The following EXOC6B variants were observed in gnomAD, a reference collection of about 807,000 sequenced individuals.
EXOC6B encodes the protein SEC15 homolog B.
EXOC6B carries 54 observed loss-of-function variants against 113.5 expected under a neutral mutation model. That is an observed-to-expected ratio of 0.48 (90% CI 0.38 to 0.60). The LOEUF is 0.60. EXOC6B is among the 20% of genes least tolerant of loss of function. The probability of loss-of-function intolerance (pLI) is 0.00; values close to 1 mark genes in which losing one functional copy is unlikely to be tolerated. For synonymous variants in EXOC6B, 357 were observed against 339.0 expected, an observed-to-expected ratio of 1.05 and a Z score of -0.58; for missense variants, 797 against 977.5, an observed-to-expected ratio of 0.82 and a Z score of 2.46.
intron 20 of EXOC6B, among the ~76,000 whole-genome samples, chr2:72,217,424 T>C (rs1452237970): frequency 6.6e-6 from 1 of 152,128 alleles, no homozygotes; most frequent in Non-Finnish European, 1.5e-5. Flanking sequence ...CTACCTCTGC[T>C]ACACAGAGTC....
intron 6 of EXOC6B, among the ~76,000 whole-genome samples, chr2:72,614,418 G>A (rs985031011): frequency 6.6e-6 from 1 of 151,468 alleles, no homozygotes; most frequent in African/African-American, 2.4e-5. Context: ...CCTGTATATG[G>A]ATCTGGAGCT....
chr2:72,477,873 A>AT (rs371504255), intron 17 of EXOC6B, among the ~76,000 whole-genome samples: 24 of 151,146 alleles, frequency 1.6e-4, no homozygotes, highest in South Asian at 1.3e-3. Flanking sequence ...TTGGTCATTT[A>AT]TTTTTTTTTC....
At chr2:72,217,644 A>T (rs1295996208) in intron 20 of EXOC6B, among the ~76,000 whole-genome samples, 1 of 152,170 alleles carries the variant, frequency 6.6e-6, no homozygotes, top group African/African-American at 2.4e-5. Flanking sequence ...TTACCTTCAG[A>T]GGGCCAGACA....
At chr2:72,653,318 AC>A (rs1337657330) in intron 6 of EXOC6B, among the ~76,000 whole-genome samples, 3 of 144,454 alleles carry the variant, frequency 2.1e-5, no homozygotes, top group African/African-American at 7.7e-5. Flanking sequence ...AAAAAACCAA[AC>A]ACCGCATATT....
At chr2:72,700,061 C>T (rs985369115) in intron 6 of EXOC6B, among the ~76,000 whole-genome samples, 17 of 152,134 alleles carry the variant, frequency 1.1e-4, no homozygotes, top group Admixed American at 1.0e-3. Context: ...ATATCTAACA[C>T]AATGTAAAAA....
chr2:72,812,877 A>G (rs764220792), intron 1 of EXOC6B, among the ~76,000 whole-genome samples: 3 of 152,164 alleles, frequency 2.0e-5, no homozygotes, highest in Non-Finnish European at 4.4e-5. Context: ...GCTCCATACA[A>G]GGAAAAATTG....
intron 18 of EXOC6B, among the ~76,000 whole-genome samples, chr2:72,392,023 T>C (rs1238073640): frequency 6.6e-6 from 1 of 152,232 alleles, no homozygotes; most frequent in Non-Finnish European, 1.5e-5. Flanking sequence ...ATTATAGATT[T>C]TATATTTTGC....
intron 8 of EXOC6B, among the ~76,000 whole-genome samples, chr2:72,555,963 T>C (rs1269584074): frequency 1.3e-5 from 2 of 152,150 alleles, no homozygotes; most frequent in African/African-American, 2.4e-5. Flanking sequence ...GTGTTCTTTA[T>C]AGCAGTGTGA....
chr2:72,703,932 T>C (rs1488931438), intron 6 of EXOC6B, among the ~76,000 whole-genome samples: 8 of 151,942 alleles, frequency 5.3e-5, no homozygotes, highest in Admixed American at 3.9e-4. Context: ...TCCTGCCTAA[T>C]TGCCCTGGCC....
chr2:72,648,014 T>A (rs942030305), intron 6 of EXOC6B, among the ~76,000 whole-genome samples: 4 of 151,928 alleles, frequency 2.6e-5, no homozygotes, highest in African/African-American at 9.7e-5. Flanking sequence ...TGGGAGAAAA[T>A]TTTGCAATCT....
At chr2:72,279,487 A>G (rs1684998857) in intron 20 of EXOC6B, among the ~76,000 whole-genome samples, 1 of 152,224 alleles carries the variant, frequency 6.6e-6, no homozygotes, top group African/African-American at 2.4e-5. Flanking sequence ...TATGTGATAA[A>G]ACATGATTCT....
chr2:72,566,440 T>G (rs1704184576), intron 7 of EXOC6B, among the ~76,000 whole-genome samples: 1 of 152,076 alleles, frequency 6.6e-6, no homozygotes, highest in African/African-American at 2.4e-5. Flanking sequence ...TTGAAGGACA[T>G]TTGGGGTGTT....
chr2:72,733,025 TG>T, intron 3 of EXOC6B, 45 bp downstream of exon 3: 2 of 1,300,884 alleles, frequency 1.5e-6, no homozygotes, highest in Non-Finnish European at 2.2e-6. Flanking sequence ...TAAAAGAGAG[TG>T]GCATGAAACA....
At chr2:72,297,269 G>A (rs930457064) in intron 20 of EXOC6B, among the ~76,000 whole-genome samples, 2 of 152,112 alleles carry the variant, frequency 1.3e-5, no homozygotes, top group Admixed American at 6.6e-5. Flanking sequence ...TGTGTCACAG[G>A]AGTTTGCAGT....
intron 18 of EXOC6B, among the ~76,000 whole-genome samples, chr2:72,400,811 G>A (rs941201668): frequency 6.6e-6 from 1 of 151,910 alleles, no homozygotes; most frequent in African/African-American, 2.4e-5. Context: ...GTGACAATGT[G>A]GAGAAAAGGG....
intron 6 of EXOC6B, among the ~76,000 whole-genome samples, chr2:72,626,310 T>A (rs760150524): frequency 2.0e-5 from 3 of 152,120 alleles, no homozygotes; most frequent in Non-Finnish European, 4.4e-5. Flanking sequence ...AACTCCTAAT[T>A]GTATTTGGAG....
chr2:72,569,177 A>G (rs1309187242), intron 7 of EXOC6B, among the ~76,000 whole-genome samples: 1 of 152,116 alleles, frequency 6.6e-6, no homozygotes, highest in Non-Finnish European at 1.5e-5. Context: ...TTAATAGGCC[A>G]GCTTTCATTA....
intron 20 of EXOC6B, among the ~76,000 whole-genome samples, chr2:72,312,897 T>C (rs916043090): frequency 1.3e-5 from 2 of 151,806 alleles, no homozygotes; most frequent in African/African-American, 4.8e-5. Flanking sequence ...AGCAGAGACA[T>C]TCCCAAGATC....
At chr2:72,401,604 T>C (rs1288289819) in intron 18 of EXOC6B, among the ~76,000 whole-genome samples, 12 of 29,358 alleles carry the variant, frequency 4.1e-4, no homozygotes, top group African/African-American at 3.8e-3. Context: ...TATATATATG[T>C]GTATATATAT....
Sources: allele counts gnomAD v4.1 joint callset (sites outside exome capture counted in the v4.1 genomes callset), GRCh38; gene constraint gnomAD v4.1.1; transcripts MANE v1.5; gene names NCBI Gene and HGNC (gene_info 2026-07-23, HGNC 2026-07-21).